The following MAGI2 variants were observed in gnomAD, a reference collection of about 807,000 sequenced individuals.
MAGI2 encodes the protein membrane-associated guanylate kinase, WW and PDZ domain-containing protein 2.
A neutral mutation model predicts 133.3 loss-of-function variants in MAGI2; 35 were observed. The observed-to-expected ratio is 0.26, with a 90% CI of 0.20 to 0.35. The LOEUF (loss-of-function observed/expected upper bound fraction) is 0.35, where lower values mean the gene tolerates loss of function less well. Among genes scored for constraint, MAGI2 ranks in the 10% least tolerant of loss-of-function variants. The pLI, the probability that MAGI2 is intolerant of heterozygous loss-of-function variation, is 1.00. For missense variants in MAGI2, 1,636 were observed against 1,863.4 expected, an observed-to-expected ratio of 0.88 and a Z score of 2.25; for synonymous variants, 729 against 710.6, an observed-to-expected ratio of 1.03 and a Z score of -0.41.
intron 6 of MAGI2, among the ~76,000 whole-genome samples, chr7:78,479,438 A>T (rs1050402099): frequency 6.6e-5 from 10 of 151,902 alleles, no homozygotes; most frequent in African/African-American, 2.4e-4. Flanking sequence ...AGTGTCTAAC[A>T]TCCCTACTAG....
intron 6 of MAGI2, among the ~76,000 whole-genome samples, chr7:78,421,121 T>C (rs888631639): frequency 6.6e-6 from 1 of 152,188 alleles, no homozygotes; most frequent in Non-Finnish European, 1.5e-5. Context: ...ACAATCACCT[T>C]GTCAGAGTAC....
At chr7:78,727,248 T>G (rs1820909709) in intron 2 of MAGI2, among the ~76,000 whole-genome samples, 1 of 152,160 alleles carries the variant, frequency 6.6e-6, no homozygotes, top group Non-Finnish European at 1.5e-5. Context: ...CGATATTTTG[T>G]GTGGTATGGA....
intron 1 of MAGI2, among the ~76,000 whole-genome samples, chr7:79,202,802 T>C (rs182057871): frequency 1.8e-4 from 28 of 152,122 alleles, no homozygotes; most frequent in African/African-American, 6.8e-4. Flanking sequence ...ACTACTTATA[T>C]TTCTTCTTGT....
chr7:78,559,819 C>T (rs986217777), intron 3 of MAGI2, among the ~76,000 whole-genome samples: 1 of 152,084 alleles, frequency 6.6e-6, no homozygotes, highest in African/African-American at 2.4e-5. Context: ...ATAATTCATT[C>T]AAGTTTTATA....
intron 21 of MAGI2, among the ~76,000 whole-genome samples, chr7:78,045,963 C>G (rs375476324): frequency 9.2e-5 from 14 of 152,234 alleles, no homozygotes; most frequent in African/African-American, 2.9e-4. Flanking sequence ...CAATGCCAAG[C>G]TTAAGAACTA....
chr7:78,071,365 G>A (rs1276718895), intron 21 of MAGI2, among the ~76,000 whole-genome samples: 1 of 152,080 alleles, frequency 6.6e-6, no homozygotes, highest in African/African-American at 2.4e-5. Flanking sequence ...GTGAAACCCG[G>A]TCTCTACTAA....
At chr7:78,065,881 A>G (rs143555283) in intron 21 of MAGI2, among the ~76,000 whole-genome samples, 1 of 152,342 alleles carries the variant, frequency 6.6e-6, no homozygotes, top group East Asian at 1.9e-4. Context: ...TGTGTATTTC[A>G]AAAGTAGACT....
At chr7:78,416,074 C>G (rs1798272804) in intron 6 of MAGI2, among the ~76,000 whole-genome samples, 1 of 152,064 alleles carries the variant, frequency 6.6e-6, no homozygotes, top group African/African-American at 2.4e-5. Flanking sequence ...CTGCCTGAGG[C>G]ATGAACTGGC....
At chr7:79,206,682 T>C (rs1352341741) in intron 1 of MAGI2, among the ~76,000 whole-genome samples, 1 of 151,782 alleles carries the variant, frequency 6.6e-6, no homozygotes, top group Non-Finnish European at 1.5e-5. Flanking sequence ...TTCCAAAAAA[T>C]TGAAAAGGAA....
At chr7:79,135,908 T>TC (rs1485182051) in intron 1 of MAGI2, among the ~76,000 whole-genome samples, 1 of 143,290 alleles carries the variant, frequency 7.0e-6, no homozygotes, top group Non-Finnish European at 1.5e-5. Context: ...GCCACTGAAC[T>TC]CCATCTTGAG....
intron 2 of MAGI2, among the ~76,000 whole-genome samples, chr7:78,933,059 CA>C (rs1175769494): frequency 1.3e-5 from 2 of 152,042 alleles, no homozygotes; most frequent in African/African-American, 4.8e-5. Flanking sequence ...ATTATGCTGA[CA>C]AAAAGGCATG....
chr7:79,299,280 G>A (rs762607473), intron 1 of MAGI2, among the ~76,000 whole-genome samples: 17 of 151,858 alleles, frequency 1.1e-4, no homozygotes, highest in Non-Finnish European at 1.8e-4. Context: ...GAGAATAAAT[G>A]GTATTTAGGT....
chr7:79,105,782 C>A (rs546358350), intron 1 of MAGI2, among the ~76,000 whole-genome samples: 1 of 152,030 alleles, frequency 6.6e-6, no homozygotes, highest in African/African-American at 2.4e-5. Flanking sequence ...TGAGATTTAA[C>A]CATATCTCTA....
intron 4 of MAGI2, among the ~76,000 whole-genome samples, chr7:78,513,343 T>C (rs755064582): frequency 3.9e-5 from 6 of 152,310 alleles, no homozygotes; most frequent in Non-Finnish European, 7.3e-5. Flanking sequence ...TTCCCATTGA[T>C]AGAGTCATGT....
At chr7:78,912,055 T>C (rs1408629296) in intron 2 of MAGI2, among the ~76,000 whole-genome samples, 4 of 152,130 alleles carry the variant, frequency 2.6e-5, no homozygotes, top group African/African-American at 7.2e-5. Flanking sequence ...TGAATAAAGA[T>C]CATCTTTTAT....
Position 78,379,630 on chromosome 7 carries a change from T to C in MAGI2, c.1046-10417A>G, listed in dbSNP as rs60958764. Among the ~76,000 whole-genome samples, 245 of 152,192 alleles carry C rather than the reference T, an allele frequency of 1.6e-3. 1 individual carries two copies. Among genetic ancestry groups the C allele is most frequent in the African/African-American group, 5.2e-3 (217 of 41,572 alleles). On this transcript the variant is annotated intron_variant, in intron 6 of 21. Coordinates refer to ENST00000354212, the MANE Select transcript of MAGI2 (RefSeq NM_012301.4). ...TATTTTCAGTCTAAGACAGATAAAG[T>C]TGACAAAATTACAGATATGAAAGAA...
At chr7:78,238,793 C>CTA (rs1790827353) in intron 10 of MAGI2, among the ~76,000 whole-genome samples, 1 of 152,140 alleles carries the variant, frequency 6.6e-6, no homozygotes, top group Non-Finnish European at 1.5e-5. Context: ...ATGTTATGTC[C>CTA]TATCACTCCT....
intron 9 of MAGI2, among the ~76,000 whole-genome samples, chr7:78,271,349 G>A (rs376999951): frequency 2.9e-4 from 44 of 152,190 alleles, no homozygotes; most frequent in East Asian, 1.3e-3. Flanking sequence ...TGCTGGATTC[G>A]GTTTGCCAGT....
intron 3 of MAGI2, among the ~76,000 whole-genome samples, chr7:78,606,780 C>T (rs1205161109): frequency 6.6e-6 from 1 of 152,086 alleles, no homozygotes; most frequent in African/African-American, 2.4e-5. Context: ...AAAATTTCTC[C>T]TTGTCTTGCA....
Sources: gnomAD v4.1 joint callset for allele counts (sites outside exome capture counted in the v4.1 genomes callset) on GRCh38, gnomAD v4.1.1 for gene constraint, MANE v1.5 for transcripts, NCBI Gene and HGNC (gene_info 2026-07-23, HGNC 2026-07-21) for gene names.